VAT1L: variants seen among roughly 807,000 people sequenced by gnomAD.
VAT1L encodes vesicle amine transport 1 like, also known as putative NADPH-dependent quinone oxidoreductase VAT1L.
A neutral mutation model predicts 44.1 loss-of-function variants in VAT1L; 34 were observed. That is an observed-to-expected ratio of 0.77 (90% CI 0.59 to 1.03). The LOEUF is 1.03. Ranked by LOEUF, VAT1L falls within the 50% of genes least tolerant of loss-of-function variation. The pLI, the probability that VAT1L is intolerant of heterozygous loss-of-function variation, is 0.00. For missense variants in VAT1L, 615 were observed against 538.8 expected (o/e 1.14, Z -1.40); for synonymous variants, 253 against 202.2 (o/e 1.25, Z -2.13).
intron 3 of VAT1L, among the ~76,000 whole-genome samples, chr16:77,831,137 A>T (rs2016574078): frequency 6.6e-6 from 1 of 152,238 alleles, no homozygotes; most frequent in Admixed American, 6.5e-5. Flanking sequence ...AAGACAGGCA[A>T]ACCTGAATCC....
At chr16:77,918,886 G>C (rs946750870) in intron 7 of VAT1L, among the ~76,000 whole-genome samples, 2 of 152,128 alleles carry the variant, frequency 1.3e-5, no homozygotes, top group Non-Finnish European at 2.9e-5. Flanking sequence ...TTGTTCAGTA[G>C]AATAAGTTCT....
At position 77,869,866 on chromosome 16, in the gene VAT1L, G is replaced by A. The variant is rs565580983; in HGVS notation, c.723-6504G>A. On this transcript the variant is annotated intron_variant, in intron 4 of 8. Coordinates refer to ENST00000302536, the MANE Select transcript of VAT1L (RefSeq NM_020927.3). ...TTGAATCTTGCTATCTGCTTCACCC[G>A]ATAGCAGTCATAGGTGAAGCCAAGG... is the stretch of plus-strand genomic sequence containing the variant. 9.2e-5 allele frequency among the ~76,000 whole-genome samples: 14 copies of A among 152,294 alleles called. No individual in the cohort carries two copies. The South Asian group carries it at 1.5e-3, about 16-fold the overall frequency.
chr16:77,868,309 G>A (rs2016996481), intron 4 of VAT1L, among the ~76,000 whole-genome samples: 1 of 152,160 alleles, frequency 6.6e-6, no homozygotes, highest in South Asian at 2.1e-4. Flanking sequence ...CATTGTAAAT[G>A]GAGTACCATC....
intron 7 of VAT1L, among the ~76,000 whole-genome samples, chr16:77,944,888 G>T (rs957726456): frequency 7.9e-5 from 12 of 152,058 alleles, no homozygotes; most frequent in African/African-American, 2.4e-4. Flanking sequence ...GAAACTTCAT[G>T]GGGCAGGTTT....
intron 1 of VAT1L, among the ~76,000 whole-genome samples, chr16:77,816,486 G>A (rs1297113426): frequency 6.6e-6 from 1 of 152,212 alleles, no homozygotes; most frequent in African/African-American, 2.4e-5. Context: ...GCACTGGCTA[G>A]TGGCCATTAG....
rs540822451 is a variant in VAT1L at position 77,788,598 on chromosome 16, G to T, written c.-85G>T. ...CCGAGCATCCCACATTCAACAGGAG[G>T]AACCCGCGGGAGAGGAGCCCCACTC... On this transcript the variant is annotated 5_prime_UTR_variant, in exon 1 of 9. Coordinates refer to ENST00000302536, the MANE Select transcript of VAT1L (RefSeq NM_020927.3). 94 of 1,464,412 alleles carry T rather than the reference G, an allele frequency of 6.4e-5. No individual in the cohort carries two copies. In the East Asian group the frequency reaches 2.2e-3, roughly 35 times the overall value. 90.7% of individuals were successfully genotyped at this position (1,464,412 alleles called of 1,614,324 possible). A position where few individuals can be genotyped will look rare whatever the true frequency, so the allele number is the denominator to read the frequency against.
intron 3 of VAT1L, among the ~76,000 whole-genome samples, chr16:77,831,108 TG>T (rs1567480852): frequency 2.0e-5 from 3 of 152,154 alleles, no homozygotes; most frequent in Non-Finnish European, 4.4e-5. Context: ...TACTGAAGGC[TG>T]GGTTGTTTGG....
chr16:77,863,274 T>C (rs2016935419), intron 4 of VAT1L, among the ~76,000 whole-genome samples: 1 of 152,226 alleles, frequency 6.6e-6, no homozygotes, highest in South Asian at 2.1e-4. Context: ...CACTATTGTC[T>C]TGGGTCTAAA....
intron 8 of VAT1L, 148 bp from the exon 9 acceptor site, chr16:77,977,449 T>G (rs1044504967): frequency 8.6e-6 from 6 of 701,548 alleles, no homozygotes; most frequent in African/African-American, 3.6e-5. Context: ...GCCCAACATA[T>G]GACAGCTAAT....
intron 5 of VAT1L, among the ~76,000 whole-genome samples, chr16:77,878,412 C>A (rs986076269): frequency 1.3e-5 from 2 of 152,120 alleles, no homozygotes; most frequent in African/African-American, 4.8e-5. Flanking sequence ...TGAAAAAGCA[C>A]CTGTATGGTA....
At chr16:77,938,011 C>G (rs1114211) in intron 7 of VAT1L, among the ~76,000 whole-genome samples, 1 of 152,104 alleles carries the variant, frequency 6.6e-6, no homozygotes, top group African/African-American at 2.4e-5. Context: ...ACTCTAAGAG[C>G]GTAAAGGGCA....
intron 1 of VAT1L, among the ~76,000 whole-genome samples, chr16:77,814,512 A>C (rs2145232329): frequency 6.6e-6 from 1 of 152,332 alleles, no homozygotes; most frequent in African/African-American, 2.4e-5. Context: ...TGGCGAATGC[A>C]GGCAGCCCAG....
At chr16:77,887,000 G>C (rs2017215913) in intron 7 of VAT1L, among the ~76,000 whole-genome samples, 1 of 152,204 alleles carries the variant, frequency 6.6e-6, no homozygotes, top group Admixed American at 6.5e-5. Flanking sequence ...CCAAGAGCCA[G>C]TGTTCATCCC....
intron 4 of VAT1L, among the ~76,000 whole-genome samples, chr16:77,865,130 C>T (rs2016959475): frequency 6.6e-6 from 1 of 151,956 alleles, no homozygotes. Context: ...CCCACCACCA[C>T]ACCTGGCTAA....
chr16:77,849,266 C>T lies in VAT1L; in HGVS notation c.580-13482C>T, dbSNP rs1312359919. On this transcript the variant is annotated intron_variant, in intron 3 of 8. Transcript: ENST00000302536. ...AATGTCCACTGAATGAAACAAGAAA[C>T]AAATGTGCAAAATTTATGAGACAGA... Among the ~76,000 whole-genome samples the T allele has an allele frequency of 3.3e-5, 5 of 152,140 alleles. No individual in the cohort carries two copies. In the East Asian group the frequency reaches 9.6e-4, roughly 29 times the overall value.
intron 4 of VAT1L, among the ~76,000 whole-genome samples, chr16:77,871,519 A>C (rs528588408): frequency 6.6e-6 from 1 of 152,142 alleles, no homozygotes; most frequent in Non-Finnish European, 1.5e-5. Flanking sequence ...TACTTACCCT[A>C]TGAAACCCTA....
intron 7 of VAT1L, among the ~76,000 whole-genome samples, chr16:77,936,396 G>A (rs985048243): frequency 6.6e-6 from 1 of 152,072 alleles, no homozygotes; most frequent in African/African-American, 2.4e-5. Context: ...AAGTCACCAC[G>A]CAGGCAGCCC....
intron 1 of VAT1L, among the ~76,000 whole-genome samples, chr16:77,813,654 T>A (rs1371792934): frequency 6.6e-6 from 1 of 152,220 alleles, no homozygotes; most frequent in Non-Finnish European, 1.5e-5. Context: ...CCACGTATGC[T>A]TCCCCAAAGC....
chr16:77,940,473 A>AGCT lies in VAT1L; in HGVS notation c.1078-31375_1078-31373dup, dbSNP rs541850775. On this transcript the variant is annotated intron_variant, in intron 7 of 8. Coordinates refer to ENST00000302536, the MANE Select transcript of VAT1L (RefSeq NM_020927.3). The stretch of plus-strand genomic sequence containing the variant: ...ATTCTCCTGCCTCAGCCTCCTGAGT[A>AGCT]GCTGGGATTACAGGCACGTGCTACC... 2.0e-3 allele frequency among the ~76,000 whole-genome samples: 295 copies of AGCT among 150,852 alleles called. 2 individuals carry two copies. Among genetic ancestry groups the AGCT allele is most frequent in the African/African-American group, 6.6e-3 (272 of 41,052 alleles).
Sources: allele counts gnomAD v4.1 joint callset (sites outside exome capture counted in the v4.1 genomes callset), GRCh38; gene constraint gnomAD v4.1.1; transcripts MANE v1.5; gene names NCBI Gene and HGNC (gene_info 2026-07-23, HGNC 2026-07-21).